UBE2E2: variants seen among roughly 807,000 people sequenced by gnomAD.
UBE2E2 encodes ubiquitin conjugating enzyme E2 E2.
Under a neutral mutation model 24.7 loss-of-function variants are expected in UBE2E2, and 6 were observed. The ratio of observed to expected loss-of-function variants is 0.24; its 90% CI spans 0.13 to 0.48. The LOEUF is 0.48. Among genes scored for constraint, UBE2E2 ranks in the 20% least tolerant of loss-of-function variants. UBE2E2 has a pLI of 0.99. For missense variants in UBE2E2, 169 were observed against 245.0 expected, an observed-to-expected ratio of 0.69 and a Z score of 2.07; for synonymous variants, 104 against 83.6, an observed-to-expected ratio of 1.24 and a Z score of -1.33.
At position 23,352,410 on chromosome 3, in the gene UBE2E2, A is replaced by T. The variant is rs553655234; in HGVS notation, c.227+135098A>T. 2.0e-5 allele frequency among the ~76,000 whole-genome samples: 3 copies of T among 152,326 alleles called. No homozygotes were observed. In the South Asian group the frequency reaches 6.2e-4, roughly 32 times the overall value. ...GAGCAGAACTGAAGGAAATAGAGAC[A>T]CAAAAAACCCTTCAAAAAAGTAATG... On this transcript the variant is annotated intron_variant, in intron 3 of 5. Coordinates refer to ENST00000396703, the MANE Select transcript of UBE2E2 (RefSeq NM_152653.4).
At chr3:23,337,816 C>T (rs866732830) in intron 3 of UBE2E2, among the ~76,000 whole-genome samples, 6 of 152,108 alleles carry the variant, frequency 3.9e-5, no homozygotes, top group Admixed American at 6.5e-5. Flanking sequence ...TTTTAGGCTA[C>T]GCTGAGGATT....
chr3:23,344,901 G>C (rs182546204), intron 3 of UBE2E2, among the ~76,000 whole-genome samples: 98 of 151,998 alleles, frequency 6.4e-4, no homozygotes, highest in Non-Finnish European at 9.7e-4. Flanking sequence ...AATGAGGAAA[G>C]ATTTTTTTTT....
At chr3:23,550,670 C>T (rs1313717344) in intron 5 of UBE2E2, among the ~76,000 whole-genome samples, 3 of 152,098 alleles carry the variant, frequency 2.0e-5, no homozygotes, top group African/African-American at 7.2e-5. Context: ...AGTTAGAAAA[C>T]TAGACATTCC....
At chr3:23,390,566 GAGGGC>G (rs1696910692) in intron 3 of UBE2E2, among the ~76,000 whole-genome samples, 1 of 152,178 alleles carries the variant, frequency 6.6e-6, no homozygotes, top group African/African-American at 2.4e-5. Context: ...CAGGTACCAA[GAGGGC>G]AGAGTGTAAA....
chr3:23,524,258 T>C (rs1011975077), intron 4 of UBE2E2, among the ~76,000 whole-genome samples: 1 of 152,202 alleles, frequency 6.6e-6, no homozygotes, highest in Non-Finnish European at 1.5e-5. Context: ...TCATGATCTC[T>C]GTCCTCTTAC....
chr3:23,272,184 A>G (rs1251913650), intron 3 of UBE2E2, among the ~76,000 whole-genome samples: 1 of 152,124 alleles, frequency 6.6e-6, no homozygotes, highest in Non-Finnish European at 1.5e-5. Context: ...GAGGTGGCTG[A>G]GGCCTGGCGA....
intron 3 of UBE2E2, among the ~76,000 whole-genome samples, chr3:23,382,812 T>G (rs1696709339): frequency 6.6e-6 from 1 of 152,210 alleles, no homozygotes. Flanking sequence ...TTTCTGTAGT[T>G]TCTTAATACA....
At chr3:23,482,257 G>C (rs1184884425) in intron 3 of UBE2E2, among the ~76,000 whole-genome samples, 1 of 152,146 alleles carries the variant, frequency 6.6e-6, no homozygotes, top group East Asian at 1.9e-4. Flanking sequence ...GTGCCCTCTA[G>C]AAATACTGAC....
chr3:23,240,137 G>T (rs958206185), intron 3 of UBE2E2, among the ~76,000 whole-genome samples: 7 of 152,128 alleles, frequency 4.6e-5, no homozygotes, highest in Non-Finnish European at 1.0e-4. Context: ...TTAAGGTTAG[G>T]ATAATTGGGT....
chr3:23,573,914 G>C (rs1323959168), intron 5 of UBE2E2, among the ~76,000 whole-genome samples: 6 of 152,118 alleles, frequency 3.9e-5, no homozygotes, highest in Non-Finnish European at 8.8e-5. Flanking sequence ...TAAAAACTTA[G>C]CTGATGATGA....
chr3:23,511,421 T>G (rs1370543784), intron 4 of UBE2E2, among the ~76,000 whole-genome samples: 2 of 152,228 alleles, frequency 1.3e-5, no homozygotes, highest in African/African-American at 4.8e-5. Context: ...AGGGATATGT[T>G]GCCTGTGAGG....
In UBE2E2 at chr3:23,234,587, T is replaced by C. The variant is rs574973814; in HGVS notation, c.227+17275T>C. Among the ~76,000 whole-genome samples, 15 of 152,322 alleles carry C rather than the reference T, an allele frequency of 9.8e-5. No homozygotes were observed. The South Asian group carries it at 3.1e-3, about 32-fold the overall frequency. On this transcript the variant is annotated intron_variant, in intron 3 of 5. Coordinates refer to ENST00000396703, the MANE Select transcript of UBE2E2 (RefSeq NM_152653.4). ...AATCGATATTTACGTGTTGACAGCA[T>C]TGACTTTATAAGTTAGATACAGTGG... is the stretch of plus-strand genomic sequence containing the variant.
At chr3:23,481,471 T>A (rs1026975691) in intron 3 of UBE2E2, among the ~76,000 whole-genome samples, 2 of 152,252 alleles carry the variant, frequency 1.3e-5, no homozygotes, top group East Asian at 1.9e-4. Flanking sequence ...TTGTACTACG[T>A]CCTTTGCATT....
chr3:23,399,803 A>T (rs1401667473), intron 3 of UBE2E2, among the ~76,000 whole-genome samples: 1 of 152,184 alleles, frequency 6.6e-6, no homozygotes, highest in African/African-American at 2.4e-5. Context: ...ACTGTTTATC[A>T]TTTGCATCAT....
At chr3:23,300,569 A>C (rs1444123467) in intron 3 of UBE2E2, among the ~76,000 whole-genome samples, 44 of 152,268 alleles carry the variant, frequency 2.9e-4, no homozygotes, top group Admixed American at 1.2e-3. Flanking sequence ...ATATGAAATT[A>C]TGGGTTGAAA....
At chr3:23,478,620 G>T (rs1699187329) in intron 3 of UBE2E2, among the ~76,000 whole-genome samples, 1 of 150,178 alleles carries the variant, frequency 6.7e-6, no homozygotes, top group Admixed American at 6.6e-5. Context: ...CCGTAGAAGA[G>T]AAGCTGGTCT....
intron 3 of UBE2E2, among the ~76,000 whole-genome samples, chr3:23,411,183 A>G (rs968266687): frequency 3.9e-5 from 6 of 152,180 alleles, no homozygotes; most frequent in Admixed American, 2.0e-4. Flanking sequence ...CTTCCGCCTC[A>G]GTTGAGGCTG....
chr3:23,497,796 A>G (rs1404611907), intron 3 of UBE2E2, among the ~76,000 whole-genome samples: 1 of 152,138 alleles, frequency 6.6e-6, no homozygotes, highest in Non-Finnish European at 1.5e-5. Context: ...AATTTAGTTC[A>G]TCTAAGTTGA....
intron 5 of UBE2E2, among the ~76,000 whole-genome samples, chr3:23,585,722 A>G (rs899528099): frequency 6.6e-6 from 1 of 152,204 alleles, no homozygotes; most frequent in Admixed American, 6.5e-5. Flanking sequence ...AAACTGACAG[A>G]TGATAATCTC....
Sources: gnomAD v4.1 joint callset for allele counts (sites outside exome capture counted in the v4.1 genomes callset) on GRCh38, gnomAD v4.1.1 for gene constraint, MANE v1.5 for transcripts, NCBI Gene and HGNC (gene_info 2026-07-23, HGNC 2026-07-21) for gene names.